The following LMAN2 variants were observed in gnomAD, a reference collection of about 807,000 sequenced individuals.
The protein encoded by LMAN2 is vesicular integral-membrane protein VIP36.
A neutral mutation model predicts 39.3 loss-of-function variants in LMAN2; 22 were observed. That is an observed-to-expected ratio of 0.56 (90% CI 0.40 to 0.80). The LOEUF is 0.80. Ranked by LOEUF, LMAN2 falls within the 30% of genes least tolerant of loss-of-function variation. LMAN2 has a pLI of 0.00. For missense variants in LMAN2, 494 were observed against 505.4 expected (o/e 0.98, Z 0.22); for synonymous variants, 207 against 207.8 (o/e 1.00, Z 0.03).
At chr5:177,342,927 A>C (rs1761578869) in intron 2 of LMAN2, among the ~76,000 whole-genome samples, 1 of 152,122 alleles carries the variant, frequency 6.6e-6, no homozygotes, top group South Asian at 2.1e-4. Flanking sequence ...TGCAAATCAC[A>C]TATCTGATAA....
At chr5:177,334,477 AG>A in intron 6 of LMAN2, 74 bp from the exon 7 acceptor site, 5 of 1,532,972 alleles carry the variant, frequency 3.3e-6, no homozygotes, top group Non-Finnish European at 4.4e-6. Context: ...CCCTCCCACA[AG>A]GAAAGCTGCT....
At chr5:177,338,644 G>T in intron 2 of LMAN2, 39 bp from the exon 3 acceptor site, 1 of 1,573,950 alleles carries the variant, frequency 6.4e-7, no homozygotes, top group Non-Finnish European at 8.7e-7. Context: ...GAGCTCCCCA[G>T]GGCCTTCCAG....
chr5:177,338,369 C>A (rs912782070), intron 3 of LMAN2, 119 bp downstream of exon 3: 2 of 759,660 alleles, frequency 2.6e-6, no homozygotes, highest in Non-Finnish European at 4.5e-6. Flanking sequence ...ACTTTCCTAA[C>A]AGGAGAGGAG....
chr5:177,334,315 C>T lies in LMAN2; in HGVS notation c.879G>A (p.Glu293=), dbSNP rs770544177. 1 of 1,612,772 alleles carries T rather than the reference C, an allele frequency of 6.2e-7. No homozygotes were observed. Among genetic ancestry groups the T allele is most frequent in the South Asian group, 1.1e-5 (1 of 91,018 alleles). ...DEESIDWTKI[E]PSVNFLKSPK... ...GCGACTTGAGGAAGTTGACGCTGGG[C>T]TCGATCTTGGTCCAGTCGATGCTCT... is the stretch of plus-strand genomic sequence containing the variant. Residue 293 remains glutamate (E), a synonymous_variant, in exon 7 of 8, where the codon GAG becomes GAA. Coordinates refer to ENST00000303127, the MANE Select transcript of LMAN2 (RefSeq NM_006816.3).
intron 2 of LMAN2, among the ~76,000 whole-genome samples, chr5:177,348,738 G>A (rs1334540367): frequency 1.5e-5 from 2 of 135,112 alleles, no homozygotes. Context: ...ACAAAAACTA[G>A]CTGGGCGTGG....
intron 7 of LMAN2, among the ~76,000 whole-genome samples, chr5:177,333,712 A>G (rs974656082): frequency 6.6e-6 from 1 of 152,150 alleles, no homozygotes. Context: ...TCCTCCAACC[A>G]CAACGTTCAC....
rs779230149 is a variant in LMAN2 at position 177,337,180 on chromosome 5, G to C, written c.746C>G (p.Thr249Ser). 26 of 1,613,970 alleles carry C rather than the reference G, an allele frequency of 1.6e-5. No homozygotes were observed. The highest frequency in any genetic ancestry group is 1.9e-5 in the Non-Finnish European group (22 of 1,179,966). Reference sequence around the variant, plus strand: ...GGCGGAGGCCCCGAAGTAGTAGCCGGTGGGCAGGCGCACTCCCGTGATGTC... The same window carrying C: ...GGCGGAGGCCCCGAAGTAGTAGCCGCTGGGCAGGCGCACTCCCGTGATGTC... ...CIDITGVRLPTGYYFGASAGT... is the reference protein window; with the variant it reads ...CIDITGVRLPSGYYFGASAGT... The change falls in exon 6 of 8, where the codon ACC (threonine) becomes AGC (serine). Residue 249 changes from threonine (T) to serine (S), a missense_variant. Coordinates refer to ENST00000303127, the MANE Select transcript of LMAN2 (RefSeq NM_006816.3). The surrounding 1 kb of genome is among the most constrained non-coding windows in gnomAD (Gnocchi z 8.2).
chr5:177,332,081 G>A lies in LMAN2; in HGVS notation c.*5C>T, dbSNP rs779034577. ...CCCAGGGACAGGCCCCGCCGGAGGCGCCACTCAGTAGAAGCGCTTGTTCCG... is the reference window on the plus strand; with the variant it reads ...CCCAGGGACAGGCCCCGCCGGAGGCACCACTCAGTAGAAGCGCTTGTTCCG... On this transcript the variant is annotated 3_prime_UTR_variant, in exon 8 of 8. Transcript: ENST00000303127. The surrounding 1 kb of genome is among the most constrained non-coding windows in gnomAD (Gnocchi z 6.3). 3.3e-5 allele frequency: 53 copies of A among 1,599,760 alleles called. 1 individual carries two copies. Among genetic ancestry groups the A allele is most frequent in the South Asian group, 2.0e-4 (18 of 90,622 alleles).
chr5:177,337,096 G>C lies in LMAN2; in HGVS notation c.790+40C>G, dbSNP rs1469869330. 1 of 1,479,274 alleles carries C rather than the reference G, an allele frequency of 6.8e-7. No homozygotes were observed. The highest frequency in any genetic ancestry group is 9.4e-7 in the Non-Finnish European group (1 of 1,064,226). The allele number at this position is 1,479,274 out of a possible 1,614,324, so 91.6% of individuals were successfully genotyped here. A position where few individuals can be genotyped will look rare whatever the true frequency, so the allele number is the denominator to read the frequency against. ...TGGAAAGCTCCCAGTCCCTCAGGGT[G>C]AGCTGGGCTGGGAACCAACGCCTGG... On this transcript the variant is annotated intron_variant, in intron 6 of 7. Transcript: ENST00000303127. This position sits in a 1 kb window ranked among gnomAD's most constrained non-coding sequence, Gnocchi z 8.2.
chr5:177,343,341 C>T (rs775188276), intron 2 of LMAN2, among the ~76,000 whole-genome samples: 6 of 152,124 alleles, frequency 3.9e-5, no homozygotes, highest in Non-Finnish European at 5.9e-5. Context: ...TAAAATGGTG[C>T]AGTTGCTACA....
At chr5:177,347,508 G>T (rs1203596624) in intron 2 of LMAN2, among the ~76,000 whole-genome samples, 1 of 152,130 alleles carries the variant, frequency 6.6e-6, no homozygotes, top group African/African-American at 2.4e-5. Context: ...GGCACAGGCT[G>T]GAAATGATTC....
rs767113961 is a variant in LMAN2, at chr5:177,351,616, C to A, written c.32G>T (p.Gly11Val). The change falls in exon 1 of 8, where the codon GGC becomes GTC. Residue 11 changes from glycine (G) to valine (V), a missense_variant. Gly to Val is a moderately radical substitution (Grantham distance 109, BLOSUM62 -3). Coordinates refer to ENST00000303127, the MANE Select transcript of LMAN2 (RefSeq NM_006816.3). ...CCTTCCCAGGCACCGCCGGCCCCAG[C>A]CCCAACGCCAAATCCAGCCTTCCGC... is the stretch of plus-strand genomic sequence containing the variant. MAAEGWIWRW[G>V]WGRRCLGRPG... is the part of the protein sequence containing the mutation. The A allele has an allele frequency of 6.2e-7, 1 of 1,601,496 alleles. No individual in the cohort carries two copies. Among genetic ancestry groups the A allele is most frequent in the East Asian group, 2.2e-5 (1 of 44,782 alleles).
chr5:177,338,407 C>T (rs878951461), intron 3 of LMAN2, 81 bp downstream of exon 3: 71 of 1,143,708 alleles, frequency 6.2e-5, no homozygotes, highest in Admixed American at 1.5e-4. Flanking sequence ...CCACAGGCAG[C>T]CCCACCCCAC....
At chr5:177,335,933 G>C (rs1761462687) in intron 6 of LMAN2, among the ~76,000 whole-genome samples, 1 of 152,184 alleles carries the variant, frequency 6.6e-6, no homozygotes. Flanking sequence ...CCACAGCCAA[G>C]GGCCACCACG....
At chr5:177,345,735 G>A (rs4976686) in intron 2 of LMAN2, among the ~76,000 whole-genome samples, 1 of 110,360 alleles carries the variant, frequency 9.1e-6, no homozygotes, top group Non-Finnish European at 2.0e-5. Flanking sequence ...GCCATGGCAT[G>A]CATTTATTTA....
chr5:177,340,740 A>T (rs1226792832), intron 2 of LMAN2, among the ~76,000 whole-genome samples: 2 of 151,350 alleles, frequency 1.3e-5, no homozygotes, highest in African/African-American at 4.8e-5. Context: ...ACTGCATTCC[A>T]GCCTGGGCAA....
At chr5:177,339,446 T>G (rs1041883895) in intron 2 of LMAN2, among the ~76,000 whole-genome samples, 1 of 152,206 alleles carries the variant, frequency 6.6e-6, no homozygotes, top group East Asian at 1.9e-4. Context: ...GGCACCACCA[T>G]GTGAGCTGGG....
rs934558836 is a variant in LMAN2, at chr5:177,346,672, C to CT, written c.315+4500dup. ...TCCATATACAGAAATTTTTTTAACACTTTTTTTTTTTTTGAGATGGGGTCT... is the reference window on the plus strand; with the variant it reads ...TCCATATACAGAAATTTTTTTAACACTTTTTTTTTTTTTTGAGATGGGGTCT... On this transcript the variant is annotated intron_variant, in intron 2 of 7. Coordinates refer to ENST00000303127, the MANE Select transcript of LMAN2 (RefSeq NM_006816.3). Among the ~76,000 whole-genome samples, 891 of 144,910 alleles carry CT rather than the reference C, an allele frequency of 6.1e-3. 10 individuals carry two copies. The highest frequency in any genetic ancestry group is 0.019 in the African/African-American group (774 of 39,696).
chr5:177,351,168 C>G lies in LMAN2; in HGVS notation c.315+5G>C. On this transcript the variant is annotated splice_donor_5th_base_variant and intron_variant, in intron 2 of 7. Transcript: ENST00000303127. ...AGTACGCCTATCCTCTTGAGAACCA[C>G]TCACCTGGTGGTTCCAGATAGAGCC... 2 of 1,613,778 alleles carry G rather than the reference C, an allele frequency of 1.2e-6. No homozygotes were observed. The highest frequency in any genetic ancestry group is 2.2e-5 in the South Asian group (2 of 91,066).
Sources: gnomAD v4.1 joint callset for allele counts (sites outside exome capture counted in the v4.1 genomes callset) on GRCh38, gnomAD v4.1.1 for gene constraint, Gnocchi (gnomAD v3.1) non-coding constraint, MANE v1.5 for transcripts, NCBI Gene and HGNC (gene_info 2026-07-23, HGNC 2026-07-21) for gene names.